KAZN: variants seen among roughly 807,000 people sequenced by gnomAD.
KAZN encodes kazrin.
A neutral mutation model predicts 87.4 loss-of-function variants in KAZN; 40 were observed. The ratio of observed to expected loss-of-function variants is 0.46; its 90% confidence interval spans 0.36 to 0.60. KAZN has a LOEUF of 0.60. Ranked by LOEUF, KAZN falls within the 20% of genes least tolerant of loss-of-function variation. KAZN has a pLI of 0.00. For missense variants in KAZN, 898 were observed against 1,073.9 expected, an observed-to-expected ratio of 0.84 and a Z score of 2.29; for synonymous variants, 466 against 458.3, an observed-to-expected ratio of 1.02 and a Z score of -0.22.
chr1:13,997,324 A>G (rs148519650), intron 1 of KAZN, among the ~76,000 whole-genome samples: 33 of 152,208 alleles, frequency 2.2e-4, no homozygotes, highest in Non-Finnish European at 4.3e-4. Flanking sequence ...TTTCCTCCAA[A>G]TGATTGCAAC....
chr1:14,329,878 G>C (rs1656720732), intron 2 of KAZN, among the ~76,000 whole-genome samples: 4 of 152,180 alleles, frequency 2.6e-5, no homozygotes, highest in African/African-American at 9.7e-5. Flanking sequence ...TTCACTTCTA[G>C]CATGTTTTAC....
chr1:13,902,427 C>T (rs1262235982), intron 1 of KAZN, among the ~76,000 whole-genome samples: 1 of 152,216 alleles, frequency 6.6e-6, no homozygotes, highest in African/African-American at 2.4e-5. Context: ...GGCTTAACTT[C>T]ATGCAGGCTG....
chr1:14,084,056 A>G (rs981823409), intron 1 of KAZN, among the ~76,000 whole-genome samples: 1 of 152,212 alleles, frequency 6.6e-6, no homozygotes, highest in African/African-American at 2.4e-5. Context: ...GAGGCTGGAT[A>G]GAAGGCACTA....
At chr1:14,417,689 A>C (rs182983450) in intron 2 of KAZN, among the ~76,000 whole-genome samples, 7 of 152,166 alleles carry the variant, frequency 4.6e-5, no homozygotes, top group Admixed American at 3.3e-4. Flanking sequence ...TGTCATCTGA[A>C]ATTAAACCAC....
At position 14,070,185 on chromosome 1, in the gene KAZN, A is replaced by AAAAAAAAAAAAAG. The variant is rs1570664859; in HGVS notation, c.92-110250_92-110249insAAAAAAAAAAAAG. ...TCCATCTCAAAAAAAAAAAAAGTAA[A>AAAAAAAAAAAAAG]TAAATAAAATAAAAATAAGAAAAGA... On this transcript the variant is annotated intron_variant, in intron 1 of 16. Coordinates refer to the KAZN transcript ENST00000636203. Among the ~76,000 whole-genome samples the AAAAAAAAAAAAAG allele has an allele frequency of 1.7e-4, 25 of 149,200 alleles. 1 individual carries two copies. The East Asian group carries it at 4.6e-3, about 28-fold the overall frequency.
chr1:14,072,367 C>T (rs1404680451), intron 1 of KAZN, among the ~76,000 whole-genome samples: 5 of 152,076 alleles, frequency 3.3e-5, no homozygotes, highest in African/African-American at 1.2e-4. Flanking sequence ...AGGGCAAGCC[C>T]CAGCTGTGGT....
At chr1:14,156,966 T>C (rs980101674) in intron 1 of KAZN, among the ~76,000 whole-genome samples, 2 of 151,756 alleles carry the variant, frequency 1.3e-5, no homozygotes, top group Non-Finnish European at 2.9e-5. Context: ...TCTTTGGTGA[T>C]ATGATTTCAT....
Position 14,987,575 on chromosome 1 carries a change from G to A in KAZN, c.418+26700G>A, listed in dbSNP as rs561193428. 2.6e-5 allele frequency among the ~76,000 whole-genome samples: 4 copies of A among 152,328 alleles called. No individual in the cohort carries two copies. The East Asian group carries it at 7.7e-4, about 29-fold the overall frequency. On this transcript the variant is annotated intron_variant, in intron 2 of 14. Transcript: ENST00000376030. ...AAGGAGGCCCCCGGAGCTCAGGGGA[G>A]GAACCTGCCAGGCAGGGAGAAGGCT...
intron 2 of KAZN, among the ~76,000 whole-genome samples, chr1:14,310,981 C>A (rs1036212348): frequency 6.6e-6 from 1 of 152,162 alleles, no homozygotes; most frequent in African/African-American, 2.4e-5. Flanking sequence ...CACTGGAGAT[C>A]CATCAGAGTT....
intron 1 of KAZN, among the ~76,000 whole-genome samples, chr1:14,782,599 C>T (rs547831666): frequency 1.3e-5 from 2 of 150,812 alleles, no homozygotes; most frequent in East Asian, 1.9e-4. Context: ...AGAAATGCAC[C>T]TCCTATGCAA....
chr1:14,596,316 A>G (rs896329198), upstream of KAZN, among the ~76,000 whole-genome samples: 225 of 147,258 alleles, frequency 1.5e-3, no homozygotes, highest in African/African-American at 5.6e-3. Context: ...GCGCACACAC[A>G]CACACACACA....
chr1:14,471,761 A>G (rs921195537), intron 2 of KAZN, among the ~76,000 whole-genome samples: 8 of 152,224 alleles, frequency 5.3e-5, no homozygotes, highest in African/African-American at 1.7e-4. Flanking sequence ...AGAGAGAGCT[A>G]GGAGGAGAGT....
rs200138930 is a variant in KAZN at position 15,110,123 on chromosome 1, GTGTA to G, written c.2049-2300_2049-2297del. On this transcript the variant is annotated intron_variant, in intron 13 of 14. Transcript: ENST00000376030. ...TATGTGCGTATTTGTGTGTGTATTTGTGTATGTGTCTGTGTATTTGTGTATGTGT... is the reference window on the plus strand; with the variant it reads ...TATGTGCGTATTTGTGTGTGTATTTGTGTGTCTGTGTATTTGTGTATGTGT... 6.7e-3 allele frequency among the ~76,000 whole-genome samples: 1,008 copies of G among 150,722 alleles called. 10 individuals are homozygous for G. Among genetic ancestry groups the G allele is most frequent in the African/African-American group, 0.023 (940 of 40,928 alleles).
intron 13 of KAZN, 72 bp from the exon 14 acceptor site, chr1:15,112,329 ATGTGTGTGTGTGTGTGTGTGTGTGTG>A (rs58658629): frequency 8.0e-5 from 51 of 638,546 alleles, no homozygotes; most frequent in Non-Finnish European, 1.3e-4. Flanking sequence ...ATTGTCACCA[ATGTGTGTGTGTGTGTGTGTGTGTGTG>A]TGTGTGTGTG....
intron 1 of KAZN, among the ~76,000 whole-genome samples, chr1:14,116,842 C>CTCTTTCATG (rs1449827462): frequency 6.6e-6 from 1 of 152,204 alleles, no homozygotes; most frequent in Non-Finnish European, 1.5e-5. Flanking sequence ...AAGAACCTAC[C>CTCTTTCATG]TCTTTCATCA....
intron 1 of KAZN, among the ~76,000 whole-genome samples, chr1:14,087,542 T>G (rs967902020): frequency 6.6e-6 from 1 of 152,148 alleles, no homozygotes; most frequent in South Asian, 2.1e-4. Flanking sequence ...CCAGTTCTTA[T>G]AGGGGAAGCA....
intron 2 of KAZN, among the ~76,000 whole-genome samples, chr1:14,455,402 C>G (rs1292228717): frequency 6.6e-6 from 1 of 152,142 alleles, no homozygotes; most frequent in African/African-American, 2.4e-5. Flanking sequence ...AACTTTCCAT[C>G]CTGTATTACA....
intron 1 of KAZN, among the ~76,000 whole-genome samples, chr1:14,168,473 A>G (rs1645880145): frequency 6.6e-6 from 1 of 152,148 alleles, no homozygotes; most frequent in Non-Finnish European, 1.5e-5. Flanking sequence ...CTTCAGTTGC[A>G]TGATAGTGCT....
At position 14,756,982 on chromosome 1, in the gene KAZN, G is replaced by T. The variant is rs78928928; in HGVS notation, c.226+157759G>T. On this transcript the variant is annotated intron_variant, in intron 1 of 14. Coordinates refer to ENST00000376030, the MANE Select transcript of KAZN (RefSeq NM_201628.3). The stretch of plus-strand genomic sequence containing the variant: ...CCTTTACCTTTTAATTTGTGCATTC[G>T]GGTTTCAGATCTTCTGCGGCAAGAG... Among the ~76,000 whole-genome samples, 162 of 152,172 alleles carry T rather than the reference G, an allele frequency of 1.1e-3. 1 individual carries two copies. Among genetic ancestry groups the T allele is most frequent in the Admixed American group, 9.5e-3 (145 of 15,258 alleles).
Sources: gnomAD v4.1 joint callset for allele counts (sites outside exome capture counted in the v4.1 genomes callset) on GRCh38, gnomAD v4.1.1 for gene constraint, MANE v1.5 for transcripts, NCBI Gene and HGNC (gene_info 2026-07-23, HGNC 2026-07-21) for gene names.